Variants in ARID3A observed in about 807,000 individuals in gnomAD.
ARID3A encodes the protein AT-rich interactive domain-containing protein 3A.
ARID3A carries 11 observed loss-of-function variants against 52.7 expected under a neutral mutation model. The ratio of observed to expected loss-of-function variants is 0.21; its 90% CI spans 0.13 to 0.35. The LOEUF is 0.35. Among genes scored for constraint, ARID3A ranks in the 10% least tolerant of loss-of-function variants. The probability of loss-of-function intolerance (pLI) is 1.00; values close to 1 mark genes in which losing one functional copy is unlikely to be tolerated. For synonymous variants in ARID3A, 404 were observed against 359.4 expected (o/e 1.12, Z -1.40); for missense variants, 721 against 838.5 (o/e 0.86, Z 1.73).
Position 972,089 on chromosome 19 carries a change from C to T in ARID3A, c.*24C>T, listed in dbSNP as rs2038289042. 2 of 1,506,914 alleles carry T rather than the reference C, an allele frequency of 1.3e-6. No homozygotes were observed. 93.3% of individuals were successfully genotyped at this position (1,506,914 alleles called of 1,614,324 possible). A position where few individuals can be genotyped will look rare whatever the true frequency, so the allele number is the denominator to read the frequency against. The stretch of plus-strand genomic sequence containing the variant: ...AACCGCATCACTCCCCACCCGCCAC[C>T]CACCCTGGAGCCCGCCGGCCTGGGC... On this transcript the variant is annotated 3_prime_UTR_variant, in exon 9 of 9. Transcript: ENST00000263620.
intron 3 of ARID3A, among the ~76,000 whole-genome samples, chr19:955,927 C>T (rs1322976811): frequency 1.3e-5 from 2 of 152,170 alleles, no homozygotes; most frequent in East Asian, 3.9e-4. Flanking sequence ...GAGGCGTCCG[C>T]AGGGCTGCGC....
intron 3 of ARID3A, among the ~76,000 whole-genome samples, chr19:951,792 T>G (rs922251047): frequency 6.6e-6 from 1 of 152,034 alleles, no homozygotes; most frequent in African/African-American, 2.4e-5. Context: ...AAAACATACT[T>G]CTTCAGTTTC....
chr19:974,744 T>C lies in ARID3A; in HGVS notation c.*2679T>C, dbSNP rs4807334. On this transcript the variant is annotated 3_prime_UTR_variant, in exon 9 of 9. Transcript: ENST00000263620. ...GGTCGTCTCCCTCGGGCTGCGTGTG[T>C]GTGTCGGGAATCCTGCGTGTCGTGT... The C allele has an allele frequency of 0.056, 13,004 of 230,392 alleles. 848 individuals are homozygous for C. Among genetic ancestry groups the C allele is most frequent in the East Asian group, 0.19 (3,072 of 16,322 alleles). The allele number at this position is 230,392 out of a possible 1,614,324, so 14.3% of individuals were successfully genotyped here.
intron 8 of ARID3A, among the ~76,000 whole-genome samples, chr19:970,836 G>A (rs1437824258): frequency 1.3e-5 from 2 of 152,208 alleles, no homozygotes; most frequent in African/African-American, 2.4e-5. Context: ...ACCAGGTGGC[G>A]CTGTCGACAC....
In ARID3A at chr19:960,251, C is replaced by A; in HGVS notation, c.766+87C>A. 2.4e-6 allele frequency: 3 copies of A among 1,275,954 alleles called. No individual in the cohort carries two copies. The highest frequency in any genetic ancestry group is 3.3e-6 in the Non-Finnish European group (3 of 919,976). 79.0% of individuals were successfully genotyped at this position (1,275,954 alleles called of 1,614,324 possible). On this transcript the variant is annotated intron_variant, in intron 4 of 8. Coordinates refer to ENST00000263620, the MANE Select transcript of ARID3A (RefSeq NM_005224.3). This position sits in a 1 kb window ranked among gnomAD's most constrained non-coding sequence, Gnocchi z 4.3. Reference sequence around the variant, plus strand: ...CCTACTGGCTCCAGGTATGTCGGGGCGGTGGTGAGCACCCCGTGGCTGGAG... The same window carrying A: ...CCTACTGGCTCCAGGTATGTCGGGGAGGTGGTGAGCACCCCGTGGCTGGAG...
At chr19:968,621 C>T in intron 8 of ARID3A, 118 bp downstream of exon 8, 1 of 869,982 alleles carries the variant, frequency 1.1e-6, no homozygotes, top group Non-Finnish European at 1.8e-6. Flanking sequence ...GCGAGCAGGG[C>T]ACGGCCAGGG....
chr19:956,662 T>TGGGGCCGGGG (rs2037924580), intron 3 of ARID3A: 1 of 152,458 alleles, frequency 6.6e-6, no homozygotes, highest in Admixed American at 6.5e-5. Context: ...GCTGGCCGGG[T>TGGGGCCGGGG]TGGGGCGGAG....
rs768306091 is a variant in ARID3A, at chr19:972,051, A to G, written c.1768A>G (p.Asn590Asp). 7.7e-6 allele frequency: 12 copies of G among 1,563,472 alleles called. No homozygotes were observed. The Admixed American group carries it at 2.2e-4, about 29-fold the overall frequency. The change falls in exon 9 of 9, where the codon AAC becomes GAC. Residue 590 changes from asparagine to aspartate, a missense_variant. By Grantham distance (23) the Asn-to-Asp change is conservative. Transcript: ENST00000263620. Reference sequence around the variant, plus strand: ...CACACCCTCCACATCTACCTCAAATAACTCGTTGCCTTAACCGCATCACTC... The same window carrying G: ...CACACCCTCCACATCTACCTCAAATGACTCGTTGCCTTAACCGCATCACTC... ...LSTPSTSTSNNSLP is the reference protein window; with the variant it reads ...LSTPSTSTSNDSLP
In ARID3A at chr19:959,010, G is replaced by A. The variant is rs1449885885; in HGVS notation, c.694-1082G>A. ...GACCCAGGACAGCCACAGATTTGTA[G>A]CCCAGGAGCGCTGGCTGGGCTGTGC... On this transcript the variant is annotated intron_variant, in intron 3 of 8. Transcript: ENST00000263620. This position sits in a 1 kb window ranked among gnomAD's most constrained non-coding sequence, Gnocchi z 5.0. Among the ~76,000 whole-genome samples the A allele has an allele frequency of 6.6e-6, 1 of 152,226 alleles. No individual in the cohort carries two copies. Among genetic ancestry groups the A allele is most frequent in the East Asian group, 1.9e-4 (1 of 5,196 alleles).
rs1599438122 is a variant in ARID3A, at chr19:975,832, A to G, written c.*3767A>G. On this transcript the variant is annotated 3_prime_UTR_variant, in exon 9 of 9. Coordinates refer to ENST00000263620, the MANE Select transcript of ARID3A (RefSeq NM_005224.3). ...AAAGTTTACATTTTATAGTAACATTATTATGCAGATTGTATTTAAACTTCA... is the reference window on the plus strand; with the variant it reads ...AAAGTTTACATTTTATAGTAACATTGTTATGCAGATTGTATTTAAACTTCA... 2 of 191,572 alleles carry G rather than the reference A, an allele frequency of 1.0e-5. No individual in the cohort carries two copies. The highest frequency in any genetic ancestry group is 6.1e-5 in the Admixed American group (1 of 16,314). 11.9% of individuals were successfully genotyped at this position (191,572 alleles called of 1,614,324 possible).
intron 1 of ARID3A, among the ~76,000 whole-genome samples, chr19:927,472 C>G (rs1212399625): frequency 6.6e-6 from 1 of 151,974 alleles, no homozygotes; most frequent in Middle Eastern, 3.2e-3. Flanking sequence ...CCCCACCCGG[C>G]GACCCGGAAG....
Position 929,392 on chromosome 19 carries a change from A to G in ARID3A, c.-137A>G. The G allele has an allele frequency of 7.4e-6, 4 of 538,846 alleles. No homozygotes were observed. The highest frequency in any genetic ancestry group is 7.5e-6 in the Non-Finnish European group (3 of 402,568). The allele number at this position is 538,846 out of a possible 1,614,324, so 33.4% of individuals were successfully genotyped here. The stretch of plus-strand genomic sequence containing the variant: ...CCGCCCCCGCCCCCTGCCACCCTGC[A>G]CTGCCCCGGCTCCCCCGCGGCCCCC... On this transcript the variant is annotated 5_prime_UTR_variant, in exon 2 of 9. Transcript: ENST00000263620. The surrounding 1 kb of genome is among the most constrained non-coding windows in gnomAD (Gnocchi z 6.2).
chr19:967,815 C>A (rs551726841), intron 7 of ARID3A, among the ~76,000 whole-genome samples: 4 of 152,098 alleles, frequency 2.6e-5, no homozygotes, highest in Admixed American at 2.6e-4. Flanking sequence ...GAGGCCGAGG[C>A]GGGCAGATCA....
intron 3 of ARID3A, among the ~76,000 whole-genome samples, chr19:957,187 C>T (rs572176250): frequency 4.6e-5 from 7 of 152,254 alleles, no homozygotes; most frequent in African/African-American, 7.2e-5. Flanking sequence ...GAAGACGTTC[C>T]GGGGCCTGGT....
In ARID3A at chr19:968,520, C is replaced by T. The variant is rs1378610141; in HGVS notation, c.1594+17C>T. 1 of 1,611,060 alleles carries T rather than the reference C, an allele frequency of 6.2e-7. No individual in the cohort carries two copies. Among genetic ancestry groups the T allele is most frequent in the South Asian group, 1.1e-5 (1 of 90,972 alleles). On this transcript the variant is annotated intron_variant, in intron 8 of 8. Coordinates refer to ENST00000263620, the MANE Select transcript of ARID3A (RefSeq NM_005224.3). ...TGTACACAGGTAGGACCCCTGAGGC[C>T]ACGCCCTGCCTGGACCTCGCCTCTC...
At chr19:956,986 C>G (rs368933447) in intron 3 of ARID3A, among the ~76,000 whole-genome samples, 1 of 152,334 alleles carries the variant, frequency 6.6e-6, no homozygotes, top group East Asian at 1.9e-4. Flanking sequence ...CAGCCACATT[C>G]CCCCGAGCTT....
In ARID3A at chr19:959,019, C is replaced by T. The variant is rs537151172; in HGVS notation, c.694-1073C>T. 1.3e-5 allele frequency among the ~76,000 whole-genome samples: 2 copies of T among 152,350 alleles called. No individual in the cohort carries two copies. The highest frequency in any genetic ancestry group is 6.5e-5 in the Admixed American group (1 of 15,304). On this transcript the variant is annotated intron_variant, in intron 3 of 8. Coordinates refer to ENST00000263620, the MANE Select transcript of ARID3A (RefSeq NM_005224.3). The surrounding 1 kb of genome is among the most constrained non-coding windows in gnomAD (Gnocchi z 5.0). ...CAGCCACAGATTTGTAGCCCAGGAG[C>T]GCTGGCTGGGCTGTGCCTGTGCCTG...
rs1417556645 is a variant in ARID3A at position 929,489 on chromosome 19, T to C, written c.-40T>C. On this transcript the variant is annotated 5_prime_UTR_variant, in exon 2 of 9. Coordinates refer to ENST00000263620, the MANE Select transcript of ARID3A (RefSeq NM_005224.3). This position sits in a 1 kb window ranked among gnomAD's most constrained non-coding sequence, Gnocchi z 6.2. ...CGCCCACCCCTAGCGCCCGTGGTGG[T>C]GGTGGTGGTGGTGGTGGTGGTGGCC... 2.2e-5 allele frequency: 28 copies of C among 1,254,986 alleles called. No homozygotes were observed. Among genetic ancestry groups the C allele is most frequent in the Non-Finnish European group, 2.7e-5 (26 of 971,806 alleles). The allele number at this position is 1,254,986 out of a possible 1,614,324, so 77.7% of individuals were successfully genotyped here.
chr19:939,939 G>A (rs546741574), intron 3 of ARID3A, among the ~76,000 whole-genome samples: 2 of 152,310 alleles, frequency 1.3e-5, no homozygotes, highest in African/African-American at 2.4e-5. Flanking sequence ...GGGAGACAGA[G>A]CTGGATGTGA....
Sources: allele counts gnomAD v4.1 joint callset (sites outside exome capture counted in the v4.1 genomes callset), GRCh38; gene constraint gnomAD v4.1.1; non-coding constraint Gnocchi (gnomAD v3.1); transcripts MANE v1.5; gene names NCBI Gene and HGNC (gene_info 2026-07-23, HGNC 2026-07-21).